CTNNA3: variants seen among roughly 807,000 people sequenced by gnomAD.
CTNNA3 encodes catenin alpha 3, also known as catenin alpha-3.
A neutral mutation model predicts 95.7 loss-of-function variants in CTNNA3; 76 were observed. That is an observed-to-expected ratio of 0.79 (90% confidence interval 0.66 to 0.96). The LOEUF (loss-of-function observed/expected upper bound fraction) is 0.96. Among genes scored for constraint, CTNNA3 ranks in the 40% least tolerant of loss-of-function variants. The pLI is 0.00. For missense variants in CTNNA3, 1,191 were observed against 1,089.8 expected (o/e 1.09, Z -1.31); for synonymous variants, 431 against 374.4 (o/e 1.15, Z -1.74).
At chr10:66,529,192 G>A (rs1028814801) in intron 10 of CTNNA3, among the ~76,000 whole-genome samples, 3 of 151,792 alleles carry the variant, frequency 2.0e-5, no homozygotes, top group Non-Finnish European at 2.9e-5. Context: ...GCAATGGTGC[G>A]ATCTTGGCTC....
At chr10:66,566,459 C>T (rs925997010) in intron 10 of CTNNA3, among the ~76,000 whole-genome samples, 5 of 152,194 alleles carry the variant, frequency 3.3e-5, no homozygotes, top group African/African-American at 1.2e-4. Flanking sequence ...TGCAGCTTAG[C>T]TTACATAATT....
chr10:66,177,126 A>C (rs7897339), intron 13 of CTNNA3, among the ~76,000 whole-genome samples: 4,615 of 152,210 alleles, frequency 0.03, 244 homozygotes, highest in African/African-American at 0.11. Flanking sequence ...GTTACTGCTG[A>C]AAACCTGAAT....
intron 5 of CTNNA3, among the ~76,000 whole-genome samples, chr10:67,248,545 A>G (rs1033279396): frequency 2.0e-5 from 3 of 151,840 alleles, no homozygotes; most frequent in Admixed American, 6.6e-5. Context: ...CCCCCCAAAG[A>G]GCTGGGACTA....
At chr10:67,108,323 C>T (rs981094444) in intron 7 of CTNNA3, among the ~76,000 whole-genome samples, 2 of 152,008 alleles carry the variant, frequency 1.3e-5, no homozygotes, top group Admixed American at 6.6e-5. Flanking sequence ...GAGAAATATT[C>T]TCTTCATCAA....
intron 12 of CTNNA3, among the ~76,000 whole-genome samples, chr10:66,350,726 C>G (rs2092560736): frequency 2.6e-5 from 4 of 151,992 alleles, no homozygotes; most frequent in Middle Eastern, 6.9e-3. Flanking sequence ...ATTCCAGTAG[C>G]TGAATGGTTT....
At chr10:66,896,309 G>C (rs1320177914) in intron 7 of CTNNA3, among the ~76,000 whole-genome samples, 2 of 152,014 alleles carry the variant, frequency 1.3e-5, no homozygotes, top group Admixed American at 6.6e-5. Flanking sequence ...TATTTAAGTA[G>C]GCTAATGGAC....
At chr10:66,395,512 G>A (rs2092968568) in intron 11 of CTNNA3, among the ~76,000 whole-genome samples, 1 of 145,590 alleles carries the variant, frequency 6.9e-6, no homozygotes, top group Non-Finnish European at 1.5e-5. Context: ...AAATTACAAA[G>A]ACTAATAAAA....
chr10:67,337,760 T>C (rs1030189809), intron 5 of CTNNA3, among the ~76,000 whole-genome samples: 1 of 152,190 alleles, frequency 6.6e-6, no homozygotes, highest in African/African-American at 2.4e-5. Context: ...GACCCTTCAC[T>C]AGCAGAAAGA....
At chr10:66,664,557 A>C (rs1334374485) in intron 9 of CTNNA3, among the ~76,000 whole-genome samples, 1 of 152,098 alleles carries the variant, frequency 6.6e-6, no homozygotes, top group Non-Finnish European at 1.5e-5. Flanking sequence ...GAAATGACAG[A>C]TACAGGCTCA....
chr10:67,348,253 T>C (rs1842506459), intron 5 of CTNNA3, among the ~76,000 whole-genome samples: 2 of 152,096 alleles, frequency 1.3e-5, no homozygotes, highest in Non-Finnish European at 2.9e-5. Context: ...ATTTCATGAA[T>C]ATCTCATCAA....
intron 7 of CTNNA3, among the ~76,000 whole-genome samples, chr10:66,938,222 A>G (rs1847818813): frequency 6.6e-6 from 1 of 152,122 alleles, no homozygotes; most frequent in Non-Finnish European, 1.5e-5. Context: ...CTTCTCATTT[A>G]CCATTTAACG....
chr10:66,910,756 G>A (rs1281577764), intron 7 of CTNNA3, among the ~76,000 whole-genome samples: 2 of 152,204 alleles, frequency 1.3e-5, no homozygotes, highest in African/African-American at 2.4e-5. Context: ...AGCTATGGAT[G>A]CCTCTCCAGT....
At chr10:66,280,190 A>G (rs1187237723) in intron 13 of CTNNA3, among the ~76,000 whole-genome samples, 1 of 152,084 alleles carries the variant, frequency 6.6e-6, no homozygotes, top group Admixed American at 6.6e-5. Context: ...GATCATGCTA[A>G]GAGACACCTC....
chr10:67,170,314 T>G (rs1230752923), intron 7 of CTNNA3, among the ~76,000 whole-genome samples: 3 of 152,162 alleles, frequency 2.0e-5, no homozygotes, highest in Non-Finnish European at 4.4e-5. Context: ...TAAAGACACA[T>G]GTACACGAAT....
intron 7 of CTNNA3, among the ~76,000 whole-genome samples, chr10:66,910,727 T>C (rs1846188267): frequency 6.6e-6 from 1 of 152,172 alleles, no homozygotes; most frequent in South Asian, 2.1e-4. Context: ...AAAAGCAAAG[T>C]GGCAGAGCAC....
chr10:66,882,894 T>C (rs978053055), intron 7 of CTNNA3, among the ~76,000 whole-genome samples: 1 of 152,100 alleles, frequency 6.6e-6, no homozygotes, highest in African/African-American at 2.4e-5. Context: ...GAGATAAAAT[T>C]ATTAATCTAA....
chr10:67,672,211 T>C (rs1349490949), intron 1 of CTNNA3, among the ~76,000 whole-genome samples: 1 of 152,176 alleles, frequency 6.6e-6, no homozygotes, highest in Non-Finnish European at 1.5e-5. Context: ...GGGTTGTTTG[T>C]TTTTTTCTTG....
chr10:66,418,725 A>G (rs1274321880), intron 11 of CTNNA3, among the ~76,000 whole-genome samples: 1 of 152,124 alleles, frequency 6.6e-6, no homozygotes, highest in Non-Finnish European at 1.5e-5. Context: ...GATGTTCAAG[A>G]TATGCAAATC....
In CTNNA3 at chr10:66,239,151, A is replaced by G. The variant is rs116710803; in HGVS notation, c.1884+41319T>C. Among the ~76,000 whole-genome samples the G allele has an allele frequency of 5.1e-3, 768 of 151,858 alleles. 5 individuals are homozygous for G. Among genetic ancestry groups the G allele is most frequent in the African/African-American group, 0.017 (719 of 41,538 alleles). ...GGAAACATGGTAGTTTTCAATAATC[A>G]ATTAATCAATTAATTACAATTTTAT... is the stretch of plus-strand genomic sequence containing the variant. On this transcript the variant is annotated intron_variant, in intron 13 of 17. Transcript: ENST00000433211.
Sources: allele counts gnomAD v4.1 joint callset (sites outside exome capture counted in the v4.1 genomes callset), GRCh38; gene constraint gnomAD v4.1.1; transcripts MANE v1.5; gene names NCBI Gene and HGNC (gene_info 2026-07-23, HGNC 2026-07-21).